Variants in PRKCB observed in about 807,000 individuals in gnomAD.
PRKCB encodes protein kinase C beta, also known as protein kinase C beta type.
Under a neutral mutation model 81.5 loss-of-function variants are expected in PRKCB, and 13 were observed. The observed-to-expected ratio is 0.16, with a 90% CI of 0.10 to 0.25. The LOEUF (loss-of-function observed/expected upper bound fraction) is 0.25. PRKCB is among the 10% of genes least tolerant of loss of function. The probability of loss-of-function intolerance (pLI) is 1.00; values close to 1 mark genes in which losing one functional copy is unlikely to be tolerated. For missense variants in PRKCB, 509 were observed against 875.7 expected (o/e 0.58, Z 5.29); for synonymous variants, 335 against 321.4 (o/e 1.04, Z -0.45).
chr16:24,106,081 A>C (rs1966573620), intron 7 of PRKCB, among the ~76,000 whole-genome samples: 1 of 146,402 alleles, frequency 6.8e-6, no homozygotes, highest in Non-Finnish European at 1.5e-5. Flanking sequence ...ATTAATAATC[A>C]CATTTTGGTC....
At chr16:24,105,005 C>G (rs1966556298) in intron 7 of PRKCB, among the ~76,000 whole-genome samples, 1 of 151,744 alleles carries the variant, frequency 6.6e-6, no homozygotes, top group Admixed American at 6.6e-5. Context: ...TCTTTTATGT[C>G]TAATCTTTCT....
chr16:24,212,145 C>T (rs185643324), intron 16 of PRKCB, among the ~76,000 whole-genome samples: 1 of 152,170 alleles, frequency 6.6e-6, no homozygotes, highest in East Asian at 1.9e-4. Context: ...ATACCAATGC[C>T]CTTCACCTGG....
chr16:24,064,097 C>T (rs918462317), intron 5 of PRKCB, among the ~76,000 whole-genome samples: 3 of 151,824 alleles, frequency 2.0e-5, no homozygotes, highest in Non-Finnish European at 4.4e-5. Flanking sequence ...AGAGTAAACA[C>T]CAGGTTGCCG....
At chr16:24,065,786 A>T (rs1402451001) in intron 5 of PRKCB, among the ~76,000 whole-genome samples, 1 of 152,168 alleles carries the variant, frequency 6.6e-6, no homozygotes, top group Non-Finnish European at 1.5e-5. Flanking sequence ...AGACAGGAGG[A>T]TTGCTTGAGC....
At chr16:24,050,258 C>T (rs1310320372) in intron 5 of PRKCB, among the ~76,000 whole-genome samples, 1 of 152,202 alleles carries the variant, frequency 6.6e-6, no homozygotes, top group Non-Finnish European at 1.5e-5. Flanking sequence ...ACCTCAAACA[C>T]ATGATAGGGC....
intron 2 of PRKCB, among the ~76,000 whole-genome samples, chr16:23,948,878 C>T (rs912147277): frequency 6.6e-6 from 1 of 152,168 alleles, no homozygotes; most frequent in Non-Finnish European, 1.5e-5. Flanking sequence ...ACATTCTTAA[C>T]CACCATGCAT....
chr16:24,059,692 T>C (rs1965947657), intron 5 of PRKCB, among the ~76,000 whole-genome samples: 1 of 151,936 alleles, frequency 6.6e-6, no homozygotes, highest in South Asian at 2.1e-4. Context: ...TTAGTAGTAA[T>C]AATTATAGTG....
chr16:24,138,363 G>A (rs567423056), intron 9 of PRKCB, among the ~76,000 whole-genome samples: 3 of 152,286 alleles, frequency 2.0e-5, no homozygotes, highest in East Asian at 1.9e-4. Context: ...ATGAATGACA[G>A]GACTTTAAGG....
chr16:23,885,738 A>C (rs9924860), intron 2 of PRKCB, among the ~76,000 whole-genome samples: 74,759 of 151,974 alleles, frequency 0.49, 18,893 homozygotes, highest in East Asian at 0.62. Flanking sequence ...TTTATTTTTA[A>C]ATGGGAAATG....
chr16:23,900,247 T>TTTG (rs1420516778), intron 2 of PRKCB, among the ~76,000 whole-genome samples: 1 of 152,198 alleles, frequency 6.6e-6, no homozygotes, highest in Non-Finnish European at 1.5e-5. Context: ...GCTTATGACA[T>TTTG]ACCACTTCCA....
intron 5 of PRKCB, among the ~76,000 whole-genome samples, chr16:24,069,978 C>A (rs568721162): frequency 5.3e-5 from 8 of 152,168 alleles, no homozygotes; most frequent in African/African-American, 1.9e-4. Context: ...TGGGCTATGG[C>A]GTCACCACTG....
intron 16 of PRKCB, among the ~76,000 whole-genome samples, chr16:24,206,719 CTG>C (rs1326897386): frequency 6.6e-6 from 1 of 152,186 alleles, no homozygotes; most frequent in Non-Finnish European, 1.5e-5. Context: ...ATGGCAGCAC[CTG>C]TCCCATGGTC....
intron 5 of PRKCB, among the ~76,000 whole-genome samples, chr16:24,068,621 G>A (rs1413331810): frequency 1.3e-5 from 2 of 151,798 alleles, no homozygotes; most frequent in Admixed American, 1.3e-4. Context: ...GCCCCAAGTG[G>A]TATGATATTA....
chr16:24,169,056 G>A (rs117462099), intron 10 of PRKCB, among the ~76,000 whole-genome samples: 318 of 152,068 alleles, frequency 2.1e-3, no homozygotes, highest in Non-Finnish European at 3.9e-3. Flanking sequence ...CCCTCAGTCA[G>A]TCTGTTAGAG....
intron 3 of PRKCB, among the ~76,000 whole-genome samples, chr16:23,991,598 A>G (rs1964886337): frequency 6.6e-6 from 1 of 152,174 alleles, no homozygotes; most frequent in Admixed American, 6.5e-5. Context: ...ATGAAAAGGA[A>G]AATTTTGGGT....
chr16:24,167,483 C>T (rs2141962481), intron 10 of PRKCB, among the ~76,000 whole-genome samples: 1 of 152,046 alleles, frequency 6.6e-6, no homozygotes, highest in African/African-American at 2.4e-5. Flanking sequence ...TTACTTGAGC[C>T]TGGGAGGTTG....
chr16:24,049,098 G>A (rs1965805768), intron 5 of PRKCB, among the ~76,000 whole-genome samples: 1 of 116,574 alleles, frequency 8.6e-6, no homozygotes, highest in South Asian at 2.8e-4. Flanking sequence ...AGATTTCACT[G>A]GCCAAGATCT....
intron 10 of PRKCB, among the ~76,000 whole-genome samples, chr16:24,160,521 A>ATTAC (rs144447964): frequency 0.031 from 4,687 of 152,232 alleles, 247 homozygotes; most frequent in African/African-American, 0.11. Flanking sequence ...TACAGAGGGT[A>ATTAC]TTACTGCCTG....
chr16:24,205,294 G>A (rs1968028617), intron 16 of PRKCB, among the ~76,000 whole-genome samples: 1 of 151,746 alleles, frequency 6.6e-6, no homozygotes, highest in Non-Finnish European at 1.5e-5. Context: ...TGGGACCACA[G>A]GCATGCACCA....
Sources: gnomAD v4.1 joint callset for allele counts (sites outside exome capture counted in the v4.1 genomes callset) on GRCh38, gnomAD v4.1.1 for gene constraint, MANE v1.5 for transcripts, NCBI Gene and HGNC (gene_info 2026-07-23, HGNC 2026-07-21) for gene names.